GTF2IRD1: variants seen among roughly 807,000 people sequenced by gnomAD.
GTF2IRD1 encodes the protein general transcription factor II-I repeat domain-containing protein 1.
In GTF2IRD1, 26 loss-of-function variants were observed where a neutral mutation model predicts 113.2. That is an observed-to-expected ratio of 0.23 (90% CI 0.17 to 0.32). GTF2IRD1 has a LOEUF of 0.32. Ranked by LOEUF, GTF2IRD1 falls within the 10% of genes least tolerant of loss-of-function variation. GTF2IRD1 has a pLI of 1.00. For missense variants in GTF2IRD1, 864 were observed against 1,280.8 expected (o/e 0.67, Z 4.97); for synonymous variants, 484 against 529.1 (o/e 0.91, Z 1.17).
intron 1 of GTF2IRD1, among the ~76,000 whole-genome samples, chr7:74,473,766 G>A (rs1794241017): frequency 6.6e-6 from 1 of 152,042 alleles, no homozygotes; most frequent in African/African-American, 2.4e-5. Context: ...TGGACAGCCC[G>A]CAACCTTGGT....
At chr7:74,461,859 G>A (rs1235560603) in intron 1 of GTF2IRD1, among the ~76,000 whole-genome samples, 3 of 152,142 alleles carry the variant, frequency 2.0e-5, no homozygotes, top group South Asian at 2.1e-4. Context: ...GATTACAGGC[G>A]TGAGCCACTG....
intron 7 of GTF2IRD1, among the ~76,000 whole-genome samples, chr7:74,523,590 G>T (rs1797416529): frequency 6.6e-6 from 1 of 151,956 alleles, no homozygotes; most frequent in African/African-American, 2.4e-5. Flanking sequence ...TGTGGTGGCA[G>T]GTGCCCTGTA....
chr7:74,552,267 C>T (rs587704008), intron 17 of GTF2IRD1, among the ~76,000 whole-genome samples: 5 of 152,244 alleles, frequency 3.3e-5, no homozygotes, highest in Admixed American at 2.0e-4. Context: ...CCTGTAATCC[C>T]AGCACTTTGT....
intron 3 of GTF2IRD1, among the ~76,000 whole-genome samples, chr7:74,515,176 G>A (rs1554344268): frequency 6.6e-6 from 1 of 152,060 alleles, no homozygotes; most frequent in African/African-American, 2.4e-5. Context: ...AGAGAGAGAA[G>A]GGACTAACCC....
chr7:74,589,179 C>G (rs1200276034), intron 22 of GTF2IRD1, among the ~76,000 whole-genome samples: 1 of 151,984 alleles, frequency 6.6e-6, no homozygotes. Flanking sequence ...GGAAACATAG[C>G]GAGACTCCAT....
chr7:74,492,942 T>TA (rs1562799012), intron 1 of GTF2IRD1, among the ~76,000 whole-genome samples: 4 of 151,992 alleles, frequency 2.6e-5, no homozygotes. Context: ...ACCCTATTTT[T>TA]AAAAAATGTT....
intron 1 of GTF2IRD1, among the ~76,000 whole-genome samples, chr7:74,484,504 G>T (rs1374407377): frequency 2.7e-5 from 4 of 149,210 alleles, no homozygotes; most frequent in African/African-American, 1.0e-4. Flanking sequence ...ACCCACCCAG[G>T]CTGGAGCGAA....
At chr7:74,562,327 G>T (rs587634265) in intron 22 of GTF2IRD1, among the ~76,000 whole-genome samples, 5 of 152,098 alleles carry the variant, frequency 3.3e-5, no homozygotes, top group African/African-American at 1.2e-4. Context: ...GGGTGGCTGG[G>T]GACAGTGCCC....
In GTF2IRD1 at chr7:74,519,666, G is replaced by T. The variant is rs373306926; in HGVS notation, c.863G>T (p.Arg288Leu). 6.2e-7 allele frequency: 1 copy of T among 1,603,292 alleles called. No homozygotes were observed. Among genetic ancestry groups the T allele is most frequent in the Non-Finnish European group, 8.5e-7 (1 of 1,175,580 alleles). ...GCCCCCAGCGACCTGGGCCTGAGTC[G>T]GCCCATGCCAGAGCCCAAGGCCACC... ...PLAPSDLGLSRPMPEPKATGA... is the reference protein window; with the variant it reads ...PLAPSDLGLSLPMPEPKATGA... The change falls in exon 6 of 27, where the codon CGG becomes CTG. Residue 288 changes from arginine to leucine, a missense_variant. Around this residue, in one of 7 missense-constraint regions of GTF2IRD1, gnomAD observed 195 missense variants for 196.6 expected, o/e 0.99. Coordinates refer to ENST00000424337, the MANE Select transcript of GTF2IRD1 (RefSeq NM_005685.4).
At chr7:74,521,335 G>T (rs1242203908) in intron 7 of GTF2IRD1, 38 bp downstream of exon 7, 7 of 1,239,830 alleles carry the variant, frequency 5.6e-6, no homozygotes, top group Non-Finnish European at 8.3e-6. Context: ...GCCTGAGTGG[G>T]AATCTGAGGT....
At chr7:74,594,588 C>T (rs1227573568) in intron 24 of GTF2IRD1, among the ~76,000 whole-genome samples, 1 of 152,092 alleles carries the variant, frequency 6.6e-6, no homozygotes, top group African/African-American at 2.4e-5. Context: ...TTATTTGGGT[C>T]TTACCAGGCT....
intron 1 of GTF2IRD1, among the ~76,000 whole-genome samples, chr7:74,470,052 C>T (rs1295369383): frequency 2.6e-5 from 4 of 152,156 alleles, no homozygotes; most frequent in African/African-American, 9.6e-5. Flanking sequence ...GGCTGGAGTG[C>T]AGCGGTGCAG....
chr7:74,517,427 C>CTTTTTTTTTTTTTTTTTTTTTTTTTTTT (rs59499031), intron 4 of GTF2IRD1, among the ~76,000 whole-genome samples: 1 of 77,402 alleles, frequency 1.3e-5, no homozygotes, highest in African/African-American at 5.2e-5. Flanking sequence ...CTCCCTACAC[C>CTTTTTTTTTTTTTTTTTTTTTTTTTTTT]TTTTTTTTTT....
chr7:74,552,548 A>G (rs1799375280), intron 17 of GTF2IRD1, among the ~76,000 whole-genome samples: 1 of 151,530 alleles, frequency 6.6e-6, no homozygotes, highest in African/African-American at 2.4e-5. Context: ...AGCAGGAGCC[A>G]GATCACATGG....
chr7:74,564,494 T>C (rs587662402), intron 22 of GTF2IRD1, among the ~76,000 whole-genome samples: 3 of 152,294 alleles, frequency 2.0e-5, no homozygotes, highest in Admixed American at 6.5e-5. Flanking sequence ...CTTATACCTA[T>C]AATCCCAGCA....
At chr7:74,550,592 T>A (rs587693304) in intron 17 of GTF2IRD1, among the ~76,000 whole-genome samples, 59 of 145,460 alleles carry the variant, frequency 4.1e-4, no homozygotes, top group African/African-American at 1.2e-3. Flanking sequence ...GTCTCGAAAA[T>A]TTTTTTTTTT....
At chr7:74,480,378 G>A (rs1794665295) in intron 1 of GTF2IRD1, among the ~76,000 whole-genome samples, 1 of 152,212 alleles carries the variant, frequency 6.6e-6, no homozygotes, top group African/African-American at 2.4e-5. Flanking sequence ...AGCCTGGCCA[G>A]GGGCCCCAGT....
intron 1 of GTF2IRD1, among the ~76,000 whole-genome samples, chr7:74,472,669 T>G (rs1391293517): frequency 3.9e-5 from 6 of 152,150 alleles, no homozygotes; most frequent in Non-Finnish European, 5.9e-5. Flanking sequence ...TGAGAACTGC[T>G]TCAACCCGGG....
At chr7:74,460,543 C>T (rs1043693384) in intron 1 of GTF2IRD1, among the ~76,000 whole-genome samples, 2 of 152,052 alleles carry the variant, frequency 1.3e-5, no homozygotes, top group Admixed American at 1.3e-4. Context: ...CTTCTAATGT[C>T]CTTGGTCGGG....
Sources: gnomAD v4.1 joint callset for allele counts (sites outside exome capture counted in the v4.1 genomes callset) on GRCh38, gnomAD v4.1.1 for gene constraint, gnomAD v4.1.1 regional missense constraint, MANE v1.5 for transcripts, NCBI Gene and HGNC (gene_info 2026-07-23, HGNC 2026-07-21) for gene names.